PDSS2: variants seen among roughly 807,000 people sequenced by gnomAD.
PDSS2 encodes the protein decaprenyl diphosphate synthase subunit 2.
Under a neutral mutation model 44.5 loss-of-function variants are expected in PDSS2, and 31 were observed. That is an observed-to-expected ratio of 0.70 (90% confidence interval 0.52 to 0.94). The LOEUF is 0.94. Among genes scored for constraint, PDSS2 ranks in the 40% least tolerant of loss-of-function variants. The probability of loss-of-function intolerance (pLI) is 0.00; values close to 1 mark genes in which losing one functional copy is unlikely to be tolerated. For missense variants in PDSS2, 452 were observed against 482.2 expected, an observed-to-expected ratio of 0.94 and a Z score of 0.59; for synonymous variants, 157 against 180.3, an observed-to-expected ratio of 0.87 and a Z score of 1.03.
chr6:107,338,569 TA>T (rs1777980199), intron 1 of PDSS2, among the ~76,000 whole-genome samples: 1 of 152,140 alleles, frequency 6.6e-6, no homozygotes, highest in Non-Finnish European at 1.5e-5. Context: ...AGGGGATGAA[TA>T]AGGGTTGTGG....
chr6:107,187,656 C>T (rs1477208365), intron 7 of PDSS2, among the ~76,000 whole-genome samples: 18 of 150,244 alleles, frequency 1.2e-4, no homozygotes, highest in African/African-American at 1.7e-4. Flanking sequence ...AAGAGTGAAA[C>T]TCCATCTCAA....
At chr6:107,206,673 TA>T (rs549790321) in intron 6 of PDSS2, among the ~76,000 whole-genome samples, 87 of 145,960 alleles carry the variant, frequency 6.0e-4, no homozygotes, top group Admixed American at 6.8e-4. Context: ...GCTGATGAGC[TA>T]AAAAAAAAAA....
At chr6:107,189,550 C>T (rs1772297140) in intron 7 of PDSS2, among the ~76,000 whole-genome samples, 1 of 152,126 alleles carries the variant, frequency 6.6e-6, no homozygotes, top group Non-Finnish European at 1.5e-5. Context: ...GTTGATCAGG[C>T]TGGTCTCAAA....
chr6:107,304,865 G>A (rs553556563), intron 2 of PDSS2, among the ~76,000 whole-genome samples: 1 of 151,974 alleles, frequency 6.6e-6, no homozygotes, highest in South Asian at 2.1e-4. Context: ...TACGACCACA[G>A]GCACTCCTGT....
intron 1 of PDSS2, among the ~76,000 whole-genome samples, chr6:107,450,118 G>T (rs1781819012): frequency 6.6e-6 from 1 of 152,144 alleles, no homozygotes; most frequent in African/African-American, 2.4e-5. Context: ...GAATGAGATT[G>T]ACTTTTTTCA....
intron 6 of PDSS2, 107 bp from the exon 7 acceptor site, chr6:107,193,961 CCT>C: frequency 2.6e-6 from 2 of 760,630 alleles, no homozygotes; most frequent in Non-Finnish European, 4.8e-6. Flanking sequence ...TCCCCCTTTC[CCT>C]CTCTCTATTT....
At chr6:107,368,988 G>C (rs1287684609) in intron 1 of PDSS2, among the ~76,000 whole-genome samples, 1 of 152,166 alleles carries the variant, frequency 6.6e-6, no homozygotes, top group Non-Finnish European at 1.5e-5. Flanking sequence ...CAATGGAACA[G>C]GGTTTTCAGT....
chr6:107,192,371 G>T (rs537328533), intron 7 of PDSS2: 2 of 513,828 alleles, frequency 3.9e-6, no homozygotes, highest in African/African-American at 2.0e-5. Flanking sequence ...CAGAGTCTGA[G>T]ACCCCAGGGA....
In PDSS2 at chr6:107,422,194, A is replaced by G. The variant is rs115112853; in HGVS notation, c.296+36796T>C. 4.7e-3 allele frequency among the ~76,000 whole-genome samples: 718 copies of G among 152,082 alleles called. 4 individuals are homozygous for G. Among genetic ancestry groups the G allele is most frequent in the African/African-American group, 0.016 (670 of 41,544 alleles). On this transcript the variant is annotated intron_variant, in intron 1 of 7. Coordinates refer to ENST00000369037, the MANE Select transcript of PDSS2 (RefSeq NM_020381.4). Reference sequence around the variant, plus strand: ...CAAATAAAAATAAGGAAAGAATATAACTAGGCAACTCAACAAAGAAATAAA... The same window carrying G: ...CAAATAAAAATAAGGAAAGAATATAGCTAGGCAACTCAACAAAGAAATAAA...
At chr6:107,458,872 G>A in intron 1 of PDSS2, 118 bp downstream of exon 1, 2 of 861,920 alleles carry the variant, frequency 2.3e-6, no homozygotes, top group East Asian at 2.6e-5. Context: ...GAGTAAAAAG[G>A]AAGGACTAAA....
At chr6:107,419,113 CA>C (rs1461006427) in intron 1 of PDSS2, among the ~76,000 whole-genome samples, 1 of 151,890 alleles carries the variant, frequency 6.6e-6, no homozygotes, top group Non-Finnish European at 1.5e-5. Flanking sequence ...TTGTGAGGCT[CA>C]AATATCATTT....
At chr6:107,171,189 T>C (rs1771561827) in intron 7 of PDSS2, among the ~76,000 whole-genome samples, 1 of 152,046 alleles carries the variant, frequency 6.6e-6, no homozygotes. Context: ...TGGAGACAGG[T>C]CTCACTCTGT....
At chr6:107,275,734 C>T (rs1247421037) in intron 2 of PDSS2, among the ~76,000 whole-genome samples, 1 of 151,956 alleles carries the variant, frequency 6.6e-6, no homozygotes, top group Non-Finnish European at 1.5e-5. Context: ...AAAAATGAGG[C>T]TAGGAGGCAA....
intron 7 of PDSS2, among the ~76,000 whole-genome samples, chr6:107,174,104 A>G (rs1341747070): frequency 6.6e-6 from 1 of 152,200 alleles, no homozygotes; most frequent in African/African-American, 2.4e-5. Context: ...CCTGGGGGCC[A>G]TGAGTCAAGA....
intron 3 of PDSS2, among the ~76,000 whole-genome samples, chr6:107,256,562 G>T (rs547685990): frequency 2.6e-5 from 4 of 152,096 alleles, no homozygotes; most frequent in African/African-American, 9.7e-5. Flanking sequence ...ATCATGATTC[G>T]TGTGCCTTAA....
At position 107,451,559 on chromosome 6, in the gene PDSS2, C is replaced by T. The variant is rs117765863; in HGVS notation, c.296+7431G>A. ...TGTGCACAGACTTGTTGGTTCCTTGCTTCTTTCTTGTAAACATGCCCTCCA... is the reference window on the plus strand; with the variant it reads ...TGTGCACAGACTTGTTGGTTCCTTGTTTCTTTCTTGTAAACATGCCCTCCA... On this transcript the variant is annotated intron_variant, in intron 1 of 7. Coordinates refer to ENST00000369037, the MANE Select transcript of PDSS2 (RefSeq NM_020381.4). Among the ~76,000 whole-genome samples the T allele has an allele frequency of 7.9e-3, 1,207 of 152,236 alleles. 49 individuals are homozygous for T. The East Asian group carries it at 0.12, about 15-fold the overall frequency.
At chr6:107,418,848 T>C (rs1583060532) in intron 1 of PDSS2, among the ~76,000 whole-genome samples, 1 of 152,336 alleles carries the variant, frequency 6.6e-6, no homozygotes, top group Non-Finnish European at 1.5e-5. Flanking sequence ...GATCATTTGT[T>C]ACAGCAGCAA....
At chr6:107,338,485 A>G (rs1407446238) in intron 1 of PDSS2, among the ~76,000 whole-genome samples, 2 of 152,258 alleles carry the variant, frequency 1.3e-5, no homozygotes, top group Non-Finnish European at 2.9e-5. Flanking sequence ...GAGCACTGTT[A>G]AGATGTGGCC....
chr6:107,376,468 G>C (rs1262842995), intron 1 of PDSS2, among the ~76,000 whole-genome samples: 1 of 152,090 alleles, frequency 6.6e-6, no homozygotes. Flanking sequence ...TCCTTGAAGA[G>C]GTCCTTCACG....
Sources: gnomAD v4.1 joint callset for allele counts (sites outside exome capture counted in the v4.1 genomes callset) on GRCh38, gnomAD v4.1.1 for gene constraint, MANE v1.5 for transcripts, NCBI Gene and HGNC (gene_info 2026-07-23, HGNC 2026-07-21) for gene names.